EHMT1: variants seen among roughly 807,000 people sequenced by gnomAD.
EHMT1 encodes histone-lysine N-methyltransferase EHMT1.
Under a neutral mutation model 147.2 loss-of-function variants are expected in EHMT1, and 15 were observed. The observed-to-expected ratio is 0.10, with a 90% CI of 0.07 to 0.16. EHMT1 has a LOEUF of 0.16. Ranked by LOEUF, EHMT1 falls within the 10% of genes least tolerant of loss-of-function variation. The pLI, the probability that EHMT1 is intolerant of heterozygous loss-of-function variation, is 1.00. For synonymous variants in EHMT1, 795 were observed against 709.6 expected, an observed-to-expected ratio of 1.12 and a Z score of -1.91; for missense variants, 1,587 against 1,772.4, an observed-to-expected ratio of 0.90 and a Z score of 1.88.
At chr9:137,718,145 CT>C (rs1240934310) in intron 3 of EHMT1, among the ~76,000 whole-genome samples, 1 of 151,320 alleles carries the variant, frequency 6.6e-6, no homozygotes, top group Non-Finnish European at 1.5e-5. Flanking sequence ...GCGCCTGCCC[CT>C]CACACGCACC....
chr9:137,787,971 C>G lies in EHMT1; in HGVS notation c.2383-2877C>G, dbSNP rs1952129091. ...GGCCCTGTGTCCCCCACTGGACAGCCCCCCAGGAACTGAGGTGCCCTGCAG... is the reference window on the plus strand; with the variant it reads ...GGCCCTGTGTCCCCCACTGGACAGCGCCCCAGGAACTGAGGTGCCCTGCAG... On this transcript the variant is annotated intron_variant, in intron 15 of 26. Transcript: ENST00000460843. The surrounding 1 kb of genome is among the most constrained non-coding windows in gnomAD (Gnocchi z 4.2). 9 of 1,484,412 alleles carry G rather than the reference C, an allele frequency of 6.1e-6. No homozygotes were observed. The South Asian group carries it at 1.0e-4, about 17-fold the overall frequency. The allele number at this position is 1,484,412 out of a possible 1,614,324, so 92.0% of individuals were successfully genotyped here.
chr9:137,822,738 C>G (rs1588895750), intron 25 of EHMT1, among the ~76,000 whole-genome samples: 1 of 152,046 alleles, frequency 6.6e-6, no homozygotes, highest in Non-Finnish European at 1.5e-5. Context: ...ACTAAAAATA[C>G]AAAAATTAGC....
intron 1 of EHMT1, among the ~76,000 whole-genome samples, chr9:137,671,390 T>C (rs992181304): frequency 6.6e-6 from 1 of 152,154 alleles, no homozygotes; most frequent in African/African-American, 2.4e-5. Flanking sequence ...ATGTAACAAT[T>C]CATATGATTA....
chr9:137,646,428 T>C, intron 1 of EHMT1: 4 of 985,440 alleles, frequency 4.1e-6, no homozygotes, highest in Non-Finnish European at 4.8e-6. Context: ...CTCTGGACAA[T>C]GGGCTGGAAA....
intron 16 of EHMT1, 101 bp downstream of exon 16, chr9:137,791,071 C>A: frequency 1.3e-6 from 2 of 1,584,646 alleles, no homozygotes; most frequent in Non-Finnish European, 1.7e-6. Flanking sequence ...GACTTGGGGC[C>A]TTCACACACT....
At chr9:137,717,723 G>A (rs1945488810) in intron 3 of EHMT1, among the ~76,000 whole-genome samples, 1 of 152,018 alleles carries the variant, frequency 6.6e-6, no homozygotes. Context: ...ACAGGATTCT[G>A]TTGCTCTCTG....
At chr9:137,690,678 T>G (rs1194737965) in intron 1 of EHMT1, among the ~76,000 whole-genome samples, 1 of 152,196 alleles carries the variant, frequency 6.6e-6, no homozygotes, top group Admixed American at 6.5e-5. Flanking sequence ...CAAGTGATTC[T>G]CCTGCCTTAG....
rs555221416 is a variant in EHMT1, at chr9:137,641,365, C to T, written c.21+22316C>T. The T allele has an allele frequency of 9.9e-6, 5 of 505,768 alleles. No individual in the cohort carries two copies. The East Asian group carries it at 1.6e-4, about 16-fold the overall frequency. 31.3% of individuals were successfully genotyped at this position (505,768 alleles called of 1,614,324 possible). On this transcript the variant is annotated intron_variant, in intron 1 of 26. Transcript: ENST00000460843. ...GCTTTATTTTTGAAGTAAGGATTTTCGTCAAAATAAAAACCTATTCTGTAA... is the reference window on the plus strand; with the variant it reads ...GCTTTATTTTTGAAGTAAGGATTTTTGTCAAAATAAAAACCTATTCTGTAA...
At chr9:137,687,300 C>G (rs946520850) in intron 1 of EHMT1, among the ~76,000 whole-genome samples, 1 of 152,166 alleles carries the variant, frequency 6.6e-6, no homozygotes, top group Admixed American at 6.5e-5. Flanking sequence ...GCTCTCTTGA[C>G]CCTCTGAATT....
chr9:137,718,039 C>T (rs536247026), intron 3 of EHMT1, among the ~76,000 whole-genome samples: 43 of 150,904 alleles, frequency 2.8e-4, no homozygotes, highest in Non-Finnish European at 5.2e-4. Context: ...ATGATTTTCA[C>T]ACGCAGGGTG....
At chr9:137,680,012 C>T (rs567763410) in intron 1 of EHMT1, among the ~76,000 whole-genome samples, 13 of 152,200 alleles carry the variant, frequency 8.5e-5, no homozygotes, top group Non-Finnish European at 1.5e-4. Context: ...TTTGATTATT[C>T]TCCTTTCCTG....
chr9:137,820,887 T>C (rs1308775725), intron 25 of EHMT1, among the ~76,000 whole-genome samples: 2 of 152,210 alleles, frequency 1.3e-5, no homozygotes, highest in African/African-American at 4.8e-5. Context: ...TTTTGTTTTG[T>C]TTTGTTTTGA....
intron 1 of EHMT1, chr9:137,646,464 A>G: frequency 1.0e-6 from 1 of 980,698 alleles, no homozygotes; most frequent in African/African-American, 1.7e-5. Flanking sequence ...GGGAGCCCCG[A>G]GGAGTGCTCC....
intron 15 of EHMT1, among the ~76,000 whole-genome samples, chr9:137,790,390 C>T (rs939957318): frequency 4.1e-4 from 62 of 152,130 alleles, no homozygotes; most frequent in Admixed American, 4.1e-3. Flanking sequence ...GAAACTGTTC[C>T]GGAATGCATG....
chr9:137,733,070 T>C (rs1277048774), intron 4 of EHMT1, among the ~76,000 whole-genome samples: 1 of 152,136 alleles, frequency 6.6e-6, no homozygotes, highest in Non-Finnish European at 1.5e-5. Context: ...CAGCTGTAAT[T>C]CTTAGTTTTA....
At chr9:137,709,676 CT>C (rs1330401687) in intron 1 of EHMT1, among the ~76,000 whole-genome samples, 1 of 136,856 alleles carries the variant, frequency 7.3e-6, no homozygotes, top group African/African-American at 2.9e-5. Context: ...CTCTTCTTAC[CT>C]GTTGATAGTC....
At chr9:137,783,024 T>C (rs1951689733) in intron 15 of EHMT1, among the ~76,000 whole-genome samples, 1 of 152,262 alleles carries the variant, frequency 6.6e-6, no homozygotes, top group South Asian at 2.1e-4. Flanking sequence ...GTCTGACTTC[T>C]GATCCTTTGT....
intron 16 of EHMT1, chr9:137,792,399 T>C (rs1368933189): frequency 5.2e-6 from 1 of 192,420 alleles, no homozygotes; most frequent in Non-Finnish European, 1.1e-5. Context: ...TCTAACACTG[T>C]ATTCAAAAAT....
intron 4 of EHMT1, among the ~76,000 whole-genome samples, chr9:137,742,327 G>GTT (rs1948169142): frequency 6.9e-6 from 1 of 144,824 alleles, no homozygotes; most frequent in Non-Finnish European, 1.6e-5. Flanking sequence ...GTGTGTGTGT[G>GTT]TGTGTAAGTA....
Sources: gnomAD v4.1 joint callset for allele counts (sites outside exome capture counted in the v4.1 genomes callset) on GRCh38, gnomAD v4.1.1 for gene constraint, Gnocchi (gnomAD v3.1) non-coding constraint, MANE v1.5 for transcripts, NCBI Gene and HGNC (gene_info 2026-07-23, HGNC 2026-07-21) for gene names.